Variants in NUP153 observed in about 807,000 individuals in gnomAD.
The protein encoded by NUP153 is nucleoporin 153, also known as nuclear pore complex protein Nup153.
NUP153 carries 27 observed loss-of-function variants against 134.6 expected under a neutral mutation model. The observed-to-expected ratio is 0.20, with a 90% CI of 0.15 to 0.28. The LOEUF is 0.28. Among genes scored for constraint, NUP153 ranks in the 10% least tolerant of loss-of-function variants. NUP153 has a pLI of 1.00. For synonymous variants in NUP153, 640 were observed against 623.5 expected (o/e 1.03, Z -0.40); for missense variants, 1,821 against 1,731.3 (o/e 1.05, Z -0.92).
chr6:17,682,436 C>T (rs1768645390), intron 2 of NUP153, among the ~76,000 whole-genome samples: 1 of 152,130 alleles, frequency 6.6e-6, no homozygotes, highest in Admixed American at 6.6e-5. Context: ...CTGACTATTC[C>T]TTTAACGAAA....
chr6:17,663,232 TACACACAC>T (rs35061480), intron 9 of NUP153, among the ~76,000 whole-genome samples: 8 of 144,098 alleles, frequency 5.6e-5, no homozygotes, highest in East Asian at 2.0e-4. Flanking sequence ...AAGAAAAAAA[TACACACAC>T]ACACACACAC....
rs561755081 is a variant in NUP153, at chr6:17,697,857, G to A, written c.111+8420C>T. Among the ~76,000 whole-genome samples the A allele has an allele frequency of 2.6e-4, 39 of 152,164 alleles. 1 individual carries two copies. The highest frequency in any genetic ancestry group is 1.8e-4 in the Non-Finnish European group (12 of 68,004). ...AACTCAGAACTCACTTGTAATTAACGACATTCTTTTCTTATAAACCTTTTC... is the reference window on the plus strand; with the variant it reads ...AACTCAGAACTCACTTGTAATTAACAACATTCTTTTCTTATAAACCTTTTC... On this transcript the variant is annotated intron_variant, in intron 1 of 21. Transcript: ENST00000262077.
At chr6:17,661,918 C>A (rs1186201643) in intron 10 of NUP153, 100 bp downstream of exon 10, 3 of 1,278,326 alleles carry the variant, frequency 2.3e-6, no homozygotes, top group East Asian at 4.7e-5. Flanking sequence ...TATAAAGTTT[C>A]TGTTCTTTGA....
intron 11 of NUP153, among the ~76,000 whole-genome samples, chr6:17,653,441 T>G (rs1382450353): frequency 6.6e-6 from 1 of 152,088 alleles, no homozygotes; most frequent in Admixed American, 6.6e-5. Context: ...GGATACAAAC[T>G]AAATAAAATG....
At chr6:17,674,369 C>T (rs1191723857) in intron 5 of NUP153, among the ~76,000 whole-genome samples, 3 of 152,126 alleles carry the variant, frequency 2.0e-5, no homozygotes, top group Non-Finnish European at 4.4e-5. Context: ...GATACACGCA[C>T]ATATCTAATA....
intron 1 of NUP153, among the ~76,000 whole-genome samples, chr6:17,705,560 A>T (rs1313522370): frequency 7.2e-6 from 1 of 138,158 alleles, no homozygotes; most frequent in African/African-American, 2.7e-5. Flanking sequence ...TCCAGCCTCC[A>T]AAATAAAGGC....
At chr6:17,636,040 A>C (rs1765530582) in intron 16 of NUP153, among the ~76,000 whole-genome samples, 1 of 152,092 alleles carries the variant, frequency 6.6e-6, no homozygotes, top group Non-Finnish European at 1.5e-5. Context: ...ATATTTCATA[A>C]TGAAGATTCT....
At chr6:17,620,449 T>C (rs1193684699) in intron 20 of NUP153, among the ~76,000 whole-genome samples, 1 of 152,180 alleles carries the variant, frequency 6.6e-6, no homozygotes, top group African/African-American at 2.4e-5. Context: ...ATATGCAGTA[T>C]GAAACTAGAC....
chr6:17,665,251 A>G lies in NUP153; in HGVS notation c.1203T>C (p.Asp401=). The G allele has an allele frequency of 6.2e-7, 1 of 1,604,952 alleles. No individual in the cohort carries two copies. Among genetic ancestry groups the G allele is most frequent in the Non-Finnish European group, 8.5e-7 (1 of 1,171,828 alleles). The stretch of plus-strand genomic sequence containing the variant: ...TACATATACTCACACTGCACTTGTT[A>G]TCTATTCTTTGATTAGTCTTCCTGA... ...GEFRKTNQRI[D]NKCSTGYEKN... Residue 401 remains aspartate (D), a synonymous_variant, in exon 9 of 22, where the codon GAT becomes GAC. Coordinates refer to ENST00000262077, the MANE Select transcript of NUP153 (RefSeq NM_005124.4).
At position 17,665,287 on chromosome 6, in the gene NUP153, A is replaced by G. The variant is rs1384154936; in HGVS notation, c.1167T>C (p.Pro389=). 1 of 1,611,742 alleles carries G rather than the reference A, an allele frequency of 6.2e-7. No individual in the cohort carries two copies. The highest frequency in any genetic ancestry group is 1.1e-5 in the South Asian group (1 of 91,030). Residue 389 remains proline, a synonymous_variant, in exon 9 of 22, where the codon CCT becomes CCC. Transcript: ENST00000262077. ...RSVYFKPSLT[P]SGEFRKTNQR... is the part of the protein sequence containing the mutation. ...GATTAGTCTTCCTGAATTCACCAGA[A>G]GGAGTCAGAGATGGTTTAAAATAAA...
intron 20 of NUP153, 100 bp from the exon 21 acceptor site, chr6:17,616,795 G>C: frequency 1.7e-6 from 2 of 1,163,802 alleles, no homozygotes; most frequent in Non-Finnish European, 2.5e-6. Flanking sequence ...TCTTGCCCAG[G>C]CTGGAGTACA....
At chr6:17,617,765 A>C (rs746185305) in intron 20 of NUP153, among the ~76,000 whole-genome samples, 1 of 152,054 alleles carries the variant, frequency 6.6e-6, no homozygotes, top group Non-Finnish European at 1.5e-5. Context: ...AGATCTTCTG[A>C]GCCTAGGAGG....
At chr6:17,649,345 T>A in intron 11 of NUP153, 45 bp from the exon 12 acceptor site, 1 of 1,556,118 alleles carries the variant, frequency 6.4e-7, no homozygotes, top group Non-Finnish European at 8.8e-7. Flanking sequence ...TTTCACATCA[T>A]TCTTTTATCT....
chr6:17,670,095 CAAAAAAAAAAA>C (rs71002244), intron 5 of NUP153, among the ~76,000 whole-genome samples: 901 of 65,180 alleles, frequency 0.014, 13 homozygotes, highest in African/African-American at 0.049. Context: ...GACTCTTTCT[CAAAAAAAAAAA>C]AAAAAAAAAA....
chr6:17,616,284 G>GA (rs200112771), intron 21 of NUP153, 103 bp from the exon 22 acceptor site: 9 of 550,662 alleles, frequency 1.6e-5, no homozygotes, highest in Admixed American at 3.0e-5. Flanking sequence ...GGGTCGGGTG[G>GA]GGGGGGAGTA....
At chr6:17,698,800 G>A (rs534137357) in intron 1 of NUP153, among the ~76,000 whole-genome samples, 230 of 151,184 alleles carry the variant, frequency 1.5e-3, no homozygotes, top group African/African-American at 5.3e-3. Flanking sequence ...ATCCCAGAGC[G>A]GGGCGGAGGT....
chr6:17,675,116 A>C lies in NUP153; in HGVS notation c.724-83T>G. ...CAGTGAGTTAAGATCATGCTGCTAC[A>C]CACTCAAGCCTGGGCAACAGCAAAA... On this transcript the variant is annotated intron_variant, in intron 4 of 21. Coordinates refer to ENST00000262077, the MANE Select transcript of NUP153 (RefSeq NM_005124.4). The surrounding 1 kb of genome is among the most constrained non-coding windows in gnomAD (Gnocchi z 4.4). 1 of 1,558,946 alleles carries C rather than the reference A, an allele frequency of 6.4e-7. No individual in the cohort carries two copies. Among genetic ancestry groups the C allele is most frequent in the South Asian group, 1.2e-5 (1 of 85,742 alleles).
Position 17,686,676 on chromosome 6 carries a change from T to C in NUP153, c.334+1720A>G, listed in dbSNP as rs139836964. On this transcript the variant is annotated intron_variant, in intron 2 of 21. Transcript: ENST00000262077. ...TCCCAAAGTTCTGGGATTAACAAAG[T>C]TTTAAAAGTTAAGAAAAAAAAACAG... Among the ~76,000 whole-genome samples the C allele has an allele frequency of 4.5e-4, 69 of 151,654 alleles. 1 individual carries two copies. Among genetic ancestry groups the C allele is most frequent in the African/African-American group, 1.6e-3 (67 of 41,364 alleles).
chr6:17,632,549 GAA>G (rs1294699184), intron 17 of NUP153, 99 bp downstream of exon 17: 1 of 769,882 alleles, frequency 1.3e-6, no homozygotes, highest in African/African-American at 1.8e-5. Flanking sequence ...TTTCAAGAGA[GAA>G]TGAGTGAACA....
Sources: allele counts gnomAD v4.1 joint callset (sites outside exome capture counted in the v4.1 genomes callset), GRCh38; gene constraint gnomAD v4.1.1; non-coding constraint Gnocchi (gnomAD v3.1); transcripts MANE v1.5; gene names NCBI Gene and HGNC (gene_info 2026-07-23, HGNC 2026-07-21).